LIN7A: variants seen among roughly 807,000 people sequenced by gnomAD.
LIN7A encodes the protein lin-7 cell polarity scaffold A, also known as protein lin-7 homolog A.
In LIN7A, 25 loss-of-function variants were observed where a neutral mutation model predicts 29.8. The ratio of observed to expected loss-of-function variants is 0.84; its 90% CI spans 0.61 to 1.17. LIN7A has a LOEUF of 1.17. Ranked by LOEUF, LIN7A falls within the 50% of genes most tolerant of loss-of-function variation. The pLI, the probability that LIN7A is intolerant of heterozygous loss-of-function variation, is 0.00. For synonymous variants in LIN7A, 118 were observed against 107.5 expected (o/e 1.10, Z -0.60); for missense variants, 239 against 287.0 (o/e 0.83, Z 1.21).
Position 80,811,545 on chromosome 12 carries a change from G to T in LIN7A, c.622C>A (p.Arg208Ser). ...ATTAGCAATTGCTGCTGCTGCCGAC[G>T]CCTGGCTGTTCGTAGCTTTTCAAAG... ...ARFEKLRTARRRQQQQLLIQQ... is the reference protein window; with the variant it reads ...ARFEKLRTARSRQQQQLLIQQ... Residue 208 changes from arginine to serine, a missense_variant, in exon 5 of 6, where the codon CGT (arginine) becomes AGT (serine). By Grantham distance (110) the Arg-to-Ser change is moderately radical. Transcript: ENST00000552864. 1.9e-6 allele frequency: 3 copies of T among 1,613,660 alleles called. No individual in the cohort carries two copies. Among genetic ancestry groups the T allele is most frequent in the Non-Finnish European group, 2.5e-6 (3 of 1,179,804 alleles).
chr12:80,833,864 G>A (rs1313304967), intron 4 of LIN7A, among the ~76,000 whole-genome samples: 1 of 151,994 alleles, frequency 6.6e-6, no homozygotes, highest in East Asian at 1.9e-4. Flanking sequence ...CTGAATTTTC[G>A]CTACACTGTC....
rs1308982556 is a variant in LIN7A, at chr12:80,848,465, C to A, written c.202-143G>T. On this transcript the variant is annotated intron_variant, in intron 2 of 5. Transcript: ENST00000552864. ...ATAGGTCTGATGTTTGGGAATGTAC[C>A]TGATAGCACTCCTTAAACAGCAGAT... The A allele has an allele frequency of 1.1e-5, 7 of 614,946 alleles. No individual in the cohort carries two copies. The East Asian group carries it at 2.0e-4, about 17-fold the overall frequency. The allele number at this position is 614,946 out of a possible 1,614,324, so 38.1% of individuals were successfully genotyped here.
intron 5 of LIN7A, among the ~76,000 whole-genome samples, chr12:80,807,068 T>TTTTTTTTG (rs1871037535): frequency 1.2e-5 from 1 of 85,026 alleles, no homozygotes; most frequent in Non-Finnish European, 2.2e-5. Flanking sequence ...ATGGAGTTTT[T>TTTTTTTTG]TTTTTTTTTT....
chr12:80,927,554 T>C (rs1008347289), intron 1 of LIN7A, among the ~76,000 whole-genome samples: 2 of 152,176 alleles, frequency 1.3e-5, no homozygotes, highest in Non-Finnish European at 2.9e-5. Flanking sequence ...TGGAAATTCA[T>C]TGGGTATTTT....
chr12:80,922,412 G>T (rs115003150), intron 1 of LIN7A, among the ~76,000 whole-genome samples: 72 of 152,292 alleles, frequency 4.7e-4, no homozygotes, highest in African/African-American at 1.7e-3. Context: ...TATCAGGAAA[G>T]AAGACTTGGG....
chr12:80,881,031 GAAATGAT>G (rs1377690632), intron 2 of LIN7A, among the ~76,000 whole-genome samples: 2 of 152,008 alleles, frequency 1.3e-5, no homozygotes, highest in African/African-American at 2.4e-5. Context: ...TAGAGTACTT[GAAATGAT>G]AAAGCTTTCT....
intron 1 of LIN7A, among the ~76,000 whole-genome samples, chr12:80,925,911 T>G (rs1485506034): frequency 6.6e-6 from 1 of 152,238 alleles, no homozygotes; most frequent in Non-Finnish European, 1.5e-5. Flanking sequence ...ACTACCACCC[T>G]CTATCCATCT....
intron 5 of LIN7A, among the ~76,000 whole-genome samples, chr12:80,807,562 T>C (rs1458083942): frequency 1.3e-5 from 2 of 152,210 alleles, no homozygotes; most frequent in African/African-American, 4.8e-5. Flanking sequence ...AATTTTACTA[T>C]GGACCAATGT....
At chr12:80,816,164 G>A (rs1032015277) in intron 4 of LIN7A, among the ~76,000 whole-genome samples, 2 of 152,166 alleles carry the variant, frequency 1.3e-5, no homozygotes, top group Non-Finnish European at 2.9e-5. Flanking sequence ...CATTTGGGAG[G>A]CTGAGGCAGG....
rs543361147 is a variant in LIN7A, at chr12:80,807,287, G to T, written c.*4178C>A. 2.6e-5 allele frequency among the ~76,000 whole-genome samples: 4 copies of T among 151,942 alleles called. No individual in the cohort carries two copies. The South Asian group carries it at 8.3e-4, about 32-fold the overall frequency. On this transcript the variant is annotated intron_variant, in intron 5 of 5. Coordinates refer to ENST00000552864, the MANE Select transcript of LIN7A (RefSeq NM_004664.4). Reference sequence around the variant, plus strand: ...GGGTTTCACCGAATTAGCCAGGATGGTCTCGATCTCCTGACCTTGTGATCC... The same window carrying T: ...GGGTTTCACCGAATTAGCCAGGATGTTCTCGATCTCCTGACCTTGTGATCC...
At chr12:80,808,768 G>C (rs915232713) in intron 5 of LIN7A, among the ~76,000 whole-genome samples, 1 of 152,146 alleles carries the variant, frequency 6.6e-6, no homozygotes, top group African/African-American at 2.4e-5. Context: ...GCCTCCCAAA[G>C]TGCTGGGATT....
chr12:80,861,672 A>G (rs1440084951), intron 2 of LIN7A, among the ~76,000 whole-genome samples: 1 of 152,206 alleles, frequency 6.6e-6, no homozygotes, highest in Non-Finnish European at 1.5e-5. Context: ...GGAGCCACTG[A>G]TCCTTGGTTG....
intron 1 of LIN7A, among the ~76,000 whole-genome samples, chr12:80,934,346 A>C (rs1333259955): frequency 6.6e-6 from 1 of 152,168 alleles, no homozygotes; most frequent in East Asian, 1.9e-4. Context: ...ACTTACAATG[A>C]CCATAGCCAC....
chr12:80,903,672 AT>A (rs144267629), intron 1 of LIN7A, among the ~76,000 whole-genome samples: 26 of 150,244 alleles, frequency 1.7e-4, no homozygotes, highest in African/African-American at 3.2e-4. Flanking sequence ...TGTTATAAAG[AT>A]TTTTTTTTTC....
At chr12:80,830,216 G>C (rs1872278358) in intron 4 of LIN7A, among the ~76,000 whole-genome samples, 1 of 152,134 alleles carries the variant, frequency 6.6e-6, no homozygotes, top group South Asian at 2.1e-4. Flanking sequence ...AACTAGCAAT[G>C]ATTATAAGCA....
chr12:80,839,656 T>C (rs1385135488), intron 4 of LIN7A, among the ~76,000 whole-genome samples: 1 of 152,218 alleles, frequency 6.6e-6, no homozygotes, highest in Admixed American at 6.5e-5. Context: ...AGATTTCCCC[T>C]CTGGGATGCT....
intron 4 of LIN7A, among the ~76,000 whole-genome samples, chr12:80,824,432 C>G (rs1871961544): frequency 6.6e-6 from 1 of 152,014 alleles, no homozygotes; most frequent in Non-Finnish European, 1.5e-5. Flanking sequence ...TGAATTCTAT[C>G]AGACATTCAA....
intron 2 of LIN7A, among the ~76,000 whole-genome samples, chr12:80,853,349 C>T (rs935141014): frequency 2.7e-5 from 4 of 147,138 alleles, no homozygotes; most frequent in African/African-American, 1.0e-4. Flanking sequence ...AAAAAAGAAA[C>T]TCTTTGAAAA....
intron 4 of LIN7A, among the ~76,000 whole-genome samples, chr12:80,831,401 G>C (rs1183990620): frequency 6.6e-6 from 1 of 152,042 alleles, no homozygotes; most frequent in Non-Finnish European, 1.5e-5. Flanking sequence ...CTGACCCAAG[G>C]TCTCACATTC....
Sources: allele counts gnomAD v4.1 joint callset (sites outside exome capture counted in the v4.1 genomes callset), GRCh38; gene constraint gnomAD v4.1.1; transcripts MANE v1.5; gene names NCBI Gene and HGNC (gene_info 2026-07-23, HGNC 2026-07-21).